Variants in ZFHX3 observed in about 807,000 individuals in gnomAD.
ZFHX3 encodes zinc finger homeobox protein 3.
ZFHX3 carries 42 observed loss-of-function variants against 279.1 expected under a neutral mutation model. The observed-to-expected ratio is 0.15, with a 90% CI of 0.12 to 0.19. ZFHX3 has a LOEUF of 0.19. Ranked by LOEUF, ZFHX3 falls within the 10% of genes least tolerant of loss-of-function variation. ZFHX3 has a pLI of 1.00. For missense variants in ZFHX3, 4,981 were observed against 4,754.0 expected (o/e 1.05, Z -1.40); for synonymous variants, 2,293 against 1,957.8 (o/e 1.17, Z -4.52).
chr16:72,923,049 G>A (rs1474215563), intron 3 of ZFHX3, among the ~76,000 whole-genome samples: 1 of 152,164 alleles, frequency 6.6e-6, no homozygotes, highest in African/African-American at 2.4e-5. Context: ...ACACACATCA[G>A]AGTATATGTG....
chr16:73,487,186 G>T (rs1220436132), intron 2 of ZFHX3, among the ~76,000 whole-genome samples: 1 of 152,196 alleles, frequency 6.6e-6, no homozygotes, highest in Non-Finnish European at 1.5e-5. Context: ...CTAGGGCAGA[G>T]GATTCCCGAG....
Position 72,810,027 on chromosome 16 carries a change from T to C in ZFHX3, c.3864+1550A>G, listed in dbSNP as rs868532237. ...CTGCATAGCTGGGACTACAGGCGCCTGCCACCACGCCCGGCTAATTTTTTG... is the reference window on the plus strand; with the variant it reads ...CTGCATAGCTGGGACTACAGGCGCCCGCCACCACGCCCGGCTAATTTTTTG... On this transcript the variant is annotated intron_variant, in intron 7 of 9. Coordinates refer to ENST00000268489, the MANE Select transcript of ZFHX3 (RefSeq NM_006885.4). 2.1e-5 allele frequency among the ~76,000 whole-genome samples: 3 copies of C among 146,142 alleles called. No individual in the cohort carries two copies. In the Admixed American group the frequency reaches 2.1e-4, roughly 10 times the overall value.
At chr16:73,781,799 C>CA (rs1597112915) in intron 1 of ZFHX3, among the ~76,000 whole-genome samples, 1 of 152,096 alleles carries the variant, frequency 6.6e-6, no homozygotes, top group African/African-American at 2.4e-5. Flanking sequence ...CCAGCCTGAC[C>CA]AACATAGTGA....
intron 1 of ZFHX3, among the ~76,000 whole-genome samples, chr16:73,887,035 G>A (rs2030369374): frequency 6.6e-6 from 1 of 152,200 alleles, no homozygotes; most frequent in Non-Finnish European, 1.5e-5. Flanking sequence ...TCTGCCTTCA[G>A]TCAAAAATCC....
chr16:73,359,673 G>T (rs17291082), intron 3 of ZFHX3, among the ~76,000 whole-genome samples: 16,113 of 152,228 alleles, frequency 0.11, 908 homozygotes, highest in Middle Eastern at 0.14. Context: ...GGCATGGAAC[G>T]TCTGGAGCTA....
intron 4 of ZFHX3, among the ~76,000 whole-genome samples, chr16:72,866,995 T>C (rs541553270): frequency 2.6e-5 from 4 of 152,366 alleles, no homozygotes; most frequent in African/African-American, 7.2e-5. Flanking sequence ...ATCTTGCCTG[T>C]ATTGCTTTTC....
intron 3 of ZFHX3, among the ~76,000 whole-genome samples, chr16:72,912,127 T>A (rs563816401): frequency 6.6e-6 from 1 of 152,206 alleles, no homozygotes; most frequent in Non-Finnish European, 1.5e-5. Context: ...GTACCCAGCA[T>A]GGCCATGCAG....
At chr16:73,269,136 G>A (rs2014070791) in intron 4 of ZFHX3, among the ~76,000 whole-genome samples, 1 of 152,162 alleles carries the variant, frequency 6.6e-6, no homozygotes, top group Non-Finnish European at 1.5e-5. Flanking sequence ...ATCATTTATT[G>A]ATTTTTGTGC....
Position 73,647,941 on chromosome 16 carries a change from A to G in ZFHX3, c.-1547+32239T>C, listed in dbSNP as rs926332376. On this transcript the variant is annotated intron_variant, in intron 2 of 17. Coordinates refer to the ZFHX3 transcript ENST00000641206. ...CATAAGCATATAAAACATACGCTCA[A>G]TACAACTGATGCATAAACAAAAAAA... Among the ~76,000 whole-genome samples, 5 of 152,206 alleles carry G rather than the reference A, an allele frequency of 3.3e-5. No individual in the cohort carries two copies. In the South Asian group the frequency reaches 1.0e-3, roughly 32 times the overall value.
intron 4 of ZFHX3, among the ~76,000 whole-genome samples, chr16:72,850,945 G>A (rs543070198): frequency 6.6e-6 from 1 of 152,268 alleles, no homozygotes; most frequent in East Asian, 1.9e-4. Context: ...GTTGGGGGGA[G>A]AAAGTAGCTT....
intron 3 of ZFHX3, chr16:73,421,391 C>G (rs937658301): frequency 1.3e-5 from 2 of 152,164 alleles, no homozygotes; most frequent in Admixed American, 6.5e-5. Context: ...TGTGCTTGTT[C>G]CCACATTAAG....
intron 2 of ZFHX3, among the ~76,000 whole-genome samples, chr16:73,590,860 G>T (rs796165648): frequency 5.3e-5 from 8 of 152,230 alleles, no homozygotes; most frequent in African/African-American, 1.4e-4. Context: ...AGAATCATGT[G>T]TCATCTCCTG....
chr16:73,166,839 A>G (rs1056542738), intron 5 of ZFHX3, among the ~76,000 whole-genome samples: 3 of 152,218 alleles, frequency 2.0e-5, no homozygotes, highest in African/African-American at 7.2e-5. Context: ...TTTCAGAGTC[A>G]CCTGAGGACC....
At chr16:73,891,143 G>GA (rs1019838367) in intron 1 of ZFHX3, among the ~76,000 whole-genome samples, 6 of 151,400 alleles carry the variant, frequency 4.0e-5, no homozygotes, top group African/African-American at 1.5e-4. Flanking sequence ...AAATGAGCTA[G>GA]AAAAAAGCCA....
At chr16:73,137,545 C>T (rs1052652862) in intron 6 of ZFHX3, 84 of 151,988 alleles carry the variant, frequency 5.5e-4, no homozygotes, top group African/African-American at 2.0e-3. Flanking sequence ...TTGAGTGGCT[C>T]GTGGGACTTG....
At position 73,821,131 on chromosome 16, in the gene ZFHX3, G is replaced by A. The variant is rs1239723899; in HGVS notation, c.-1608+70520C>T. ...AAAGCGTTAATTTTACCACTAATCT[G>A]TGGACAGTTTTAGCCCCAAGACAGA... On this transcript the variant is annotated intron_variant, in intron 1 of 17. Coordinates refer to the ZFHX3 transcript ENST00000641206. Among the ~76,000 whole-genome samples, 4 of 152,164 alleles carry A rather than the reference G, an allele frequency of 2.6e-5. No homozygotes were observed. The East Asian group carries it at 7.8e-4, about 30-fold the overall frequency.
chr16:73,640,922 T>C (rs762232633), intron 2 of ZFHX3, among the ~76,000 whole-genome samples: 29 of 152,072 alleles, frequency 1.9e-4, no homozygotes, highest in Non-Finnish European at 3.4e-4. Context: ...ATTGGAATCT[T>C]AGAGAGGCTT....
Position 73,407,312 on chromosome 16 carries a change from G to A in ZFHX3, c.-1291+48691C>T, listed in dbSNP as rs982908374. ...GTAGCTGGAATGACAGTTCGGCTGT[G>A]TACAATCCAAAACCGATTGCATTGG... On this transcript the variant is annotated intron_variant, in intron 3 of 17. Transcript: ENST00000641206. 2.6e-5 allele frequency among the ~76,000 whole-genome samples: 4 copies of A among 152,206 alleles called. No homozygotes were observed. In the East Asian group the frequency reaches 5.8e-4, roughly 22 times the overall value.
intron 2 of ZFHX3, among the ~76,000 whole-genome samples, chr16:73,618,176 G>C (rs956430332): frequency 2.0e-5 from 3 of 152,122 alleles, no homozygotes; most frequent in Admixed American, 6.5e-5. Flanking sequence ...TCAACATTCA[G>C]GGCAGTTCCT....
Sources: gnomAD v4.1 joint callset for allele counts (sites outside exome capture counted in the v4.1 genomes callset) on GRCh38, gnomAD v4.1.1 for gene constraint, MANE v1.5 for transcripts, NCBI Gene and HGNC (gene_info 2026-07-23, HGNC 2026-07-21) for gene names.